The following CACNB4 variants were observed in gnomAD, a reference collection of about 807,000 sequenced individuals.
CACNB4 encodes voltage-dependent L-type calcium channel subunit beta-4.
CACNB4 carries 32 observed loss-of-function variants against 71.2 expected under a neutral mutation model. That is an observed-to-expected ratio of 0.45 (90% CI 0.34 to 0.60). The LOEUF is 0.60. Among genes scored for constraint, CACNB4 ranks in the 20% least tolerant of loss-of-function variants. The pLI, the probability that CACNB4 is intolerant of heterozygous loss-of-function variation, is 0.01. For synonymous variants in CACNB4, 231 were observed against 236.9 expected (o/e 0.97, Z 0.23); for missense variants, 464 against 647.9 (o/e 0.72, Z 3.08).
At chr2:152,002,425 T>C (rs539542248) in intron 2 of CACNB4, among the ~76,000 whole-genome samples, 4 of 152,334 alleles carry the variant, frequency 2.6e-5, no homozygotes, top group African/African-American at 9.6e-5. Flanking sequence ...TGTTCATATA[T>C]ACAGCAAATA....
rs2099836322 is a variant in CACNB4 at position 151,841,921 on chromosome 2, T to C, written c.1284A>G (p.Thr428=). Reference sequence around the variant, plus strand: ...ACAATACCTGTAACCCAGAAATTGCTGTGGGATATGGTGAGAGTGCCGTGG... The same window carrying C: ...ACAATACCTGTAACCCAGAAATTGCCGTGGGATATGGTGAGAGTGCCGTGG... The part of the protein sequence containing the change: ...LGSTALSPYP[T]AISGLQSQRM... Residue 428 remains threonine, a synonymous_variant, in exon 13 of 14, where the codon ACA becomes ACG. Transcript: ENST00000539935. 2 of 1,613,786 alleles carry C rather than the reference T, an allele frequency of 1.2e-6. No homozygotes were observed. Among genetic ancestry groups the C allele is most frequent in the Non-Finnish European group, 1.7e-6 (2 of 1,179,832 alleles).
chr2:152,019,317 T>C (rs1260670373), intron 2 of CACNB4, among the ~76,000 whole-genome samples: 1 of 152,228 alleles, frequency 6.6e-6, no homozygotes, highest in East Asian at 1.9e-4. Context: ...TATATAAGCA[T>C]CTTTTCAATC....
Position 152,076,122 on chromosome 2 carries a change from T to A in CACNB4, c.147+22208A>T, listed in dbSNP as rs998377515. ...AGGAGCTAATAAGGAGGACATGTGA[T>A]TACCACCTCTTTTCTTTTTTTTTTT... On this transcript the variant is annotated intron_variant, in intron 2 of 13. Coordinates refer to ENST00000539935, the MANE Select transcript of CACNB4 (RefSeq NM_000726.5). Among the ~76,000 whole-genome samples the A allele has an allele frequency of 8.6e-5, 13 of 150,598 alleles. 1 individual carries two copies. The highest frequency in any genetic ancestry group is 1.9e-4 in the Non-Finnish European group (13 of 67,724).
intron 2 of CACNB4, among the ~76,000 whole-genome samples, chr2:152,012,229 C>G (rs534294236): frequency 6.6e-6 from 1 of 151,954 alleles, no homozygotes; most frequent in Non-Finnish European, 1.5e-5. Flanking sequence ...CCTTCCAGTG[C>G]GAAAAGATGT....
At chr2:152,009,923 TCTTCCAGCA>T (rs1682962634) in intron 2 of CACNB4, among the ~76,000 whole-genome samples, 1 of 152,224 alleles carries the variant, frequency 6.6e-6, no homozygotes, top group Non-Finnish European at 1.5e-5. Context: ...CAGTGAGAAA[TCTTCCAGCA>T]CTCTCTTCTC....
chr2:151,923,051 T>C (rs1221352470), intron 2 of CACNB4, among the ~76,000 whole-genome samples: 2 of 152,242 alleles, frequency 1.3e-5, no homozygotes, highest in East Asian at 3.8e-4. Flanking sequence ...GCTGGGCTCA[T>C]TGCGGACTTG....
At chr2:151,894,912 G>T (rs1578681159) in intron 2 of CACNB4, among the ~76,000 whole-genome samples, 1 of 151,874 alleles carries the variant, frequency 6.6e-6, no homozygotes, top group Admixed American at 6.6e-5. Flanking sequence ...GAAAGAAATA[G>T]AAGAAAACAC....
At chr2:152,019,832 T>C (rs952942924) in intron 2 of CACNB4, among the ~76,000 whole-genome samples, 2 of 152,176 alleles carry the variant, frequency 1.3e-5, no homozygotes, top group African/African-American at 4.8e-5. Flanking sequence ...TTAATTATTC[T>C]GGAAATGTCA....
chr2:151,992,147 A>G (rs1681744817), intron 2 of CACNB4, among the ~76,000 whole-genome samples: 1 of 152,218 alleles, frequency 6.6e-6, no homozygotes, highest in Non-Finnish European at 1.5e-5. Flanking sequence ...AAACTCCTTC[A>G]AGGGAGAACC....
chr2:151,948,627 C>T (rs2099866148), intron 2 of CACNB4, among the ~76,000 whole-genome samples: 1 of 151,678 alleles, frequency 6.6e-6, no homozygotes, highest in Non-Finnish European at 1.5e-5. Context: ...TGCCACTGCA[C>T]TCCAGCCTGG....
intron 2 of CACNB4, among the ~76,000 whole-genome samples, chr2:151,921,040 C>T (rs111491530): frequency 0.013 from 2,011 of 151,858 alleles, 46 homozygotes; most frequent in African/African-American, 0.045. Flanking sequence ...ACTTGGGAGA[C>T]GCAGGAGAAT....
At position 151,898,601 on chromosome 2, in the gene CACNB4, T is replaced by C. The variant is rs116516359; in HGVS notation, c.148-15231A>G. Among the ~76,000 whole-genome samples, 386 of 152,356 alleles carry C rather than the reference T, an allele frequency of 2.5e-3. 4 individuals are homozygous for C. The highest frequency in any genetic ancestry group is 9.0e-3 in the African/African-American group (373 of 41,566). ...GAGGAAAATAAGGCAGCTATTCCTT[T>C]TACTTAGCTATTTTTTAAAAATTCT... On this transcript the variant is annotated intron_variant, in intron 2 of 13. Transcript: ENST00000539935.
intron 2 of CACNB4, among the ~76,000 whole-genome samples, chr2:151,904,459 G>GA (rs11447280): frequency 0.49 from 74,656 of 151,468 alleles, 22,208 homozygotes; most frequent in Non-Finnish European, 0.67. Context: ...AACCAGGTGG[G>GA]AAAAAAATCC....
rs190189302 is a variant in CACNB4, at chr2:151,834,865, T to C, written c.*4254A>G. ...TACATAATTTCCTATAAATTTTTCA[T>C]TCATACAGTCATTCAAGGATGAGTT... On this transcript the variant is annotated 3_prime_UTR_variant, in exon 14 of 14. Coordinates refer to ENST00000539935, the MANE Select transcript of CACNB4 (RefSeq NM_000726.5). The C allele has an allele frequency of 9.2e-5, 14 of 152,080 alleles. No homozygotes were observed. In the East Asian group the frequency reaches 2.5e-3, roughly 27 times the overall value. The allele number at this position is 152,080 out of a possible 1,614,324, so 9.4% of individuals were successfully genotyped here.
At chr2:152,085,267 C>T (rs1345994564) in intron 2 of CACNB4, among the ~76,000 whole-genome samples, 2 of 151,916 alleles carry the variant, frequency 1.3e-5, no homozygotes, top group South Asian at 2.1e-4. Context: ...CAAACAGATC[C>T]GGGGAGATGG....
intron 2 of CACNB4, among the ~76,000 whole-genome samples, chr2:151,920,987 AG>A (rs1450950636): frequency 6.6e-6 from 1 of 151,868 alleles, no homozygotes; most frequent in Non-Finnish European, 1.5e-5. Context: ...AAATACAAAA[AG>A]AAATTAGCTG....
intron 2 of CACNB4, among the ~76,000 whole-genome samples, chr2:152,013,341 T>C (rs1385800859): frequency 6.6e-6 from 1 of 152,194 alleles, no homozygotes; most frequent in African/African-American, 2.4e-5. Context: ...CAGCAAATTA[T>C]AAACATGTCT....
At chr2:152,003,288 C>CA (rs1245046340) in intron 2 of CACNB4, among the ~76,000 whole-genome samples, 29 of 151,258 alleles carry the variant, frequency 1.9e-4, no homozygotes, top group Admixed American at 1.6e-3. Context: ...ATTAAAAATA[C>CA]AAAAAAAATT....
chr2:151,839,018 C>T lies in CACNB4; in HGVS notation c.*101G>A. 1.9e-6 allele frequency: 2 copies of T among 1,051,638 alleles called. No individual in the cohort carries two copies. The highest frequency in any genetic ancestry group is 3.2e-5 in the African/African-American group (2 of 62,774). The allele number at this position is 1,051,638 out of a possible 1,614,324, so 65.1% of individuals were successfully genotyped here. ...ATAAAATGACAGCAGCCCATTAGCACAGTAAATACTGTGCTATGTTAGCCA... is the reference window on the plus strand; with the variant it reads ...ATAAAATGACAGCAGCCCATTAGCATAGTAAATACTGTGCTATGTTAGCCA... On this transcript the variant is annotated 3_prime_UTR_variant, in exon 14 of 14. Transcript: ENST00000539935.
Sources: gnomAD v4.1 joint callset for allele counts (sites outside exome capture counted in the v4.1 genomes callset) on GRCh38, gnomAD v4.1.1 for gene constraint, MANE v1.5 for transcripts, NCBI Gene and HGNC (gene_info 2026-07-23, HGNC 2026-07-21) for gene names.